The following TBC1D19 variants were observed in gnomAD, a reference collection of about 807,000 sequenced individuals.
The protein encoded by TBC1D19 is TBC1 domain family member 19.
Under a neutral mutation model 89.0 loss-of-function variants are expected in TBC1D19, and 60 were observed. That is an observed-to-expected ratio of 0.67 (90% CI 0.55 to 0.84). The LOEUF is 0.84. Among genes scored for constraint, TBC1D19 ranks in the 40% least tolerant of loss-of-function variants. TBC1D19 has a pLI of 0.00. For missense variants in TBC1D19, 500 were observed against 610.8 expected (o/e 0.82, Z 1.91); for synonymous variants, 189 against 199.7 (o/e 0.95, Z 0.45).
intron 13 of TBC1D19, among the ~76,000 whole-genome samples, chr4:26,691,374 G>A (rs569720585): frequency 2.2e-4 from 34 of 152,300 alleles, no homozygotes; most frequent in Middle Eastern, 6.8e-3. Context: ...AATTTTGAAA[G>A]TTCTGTGGGT....
intron 9 of TBC1D19, among the ~76,000 whole-genome samples, chr4:26,666,794 C>A (rs1711851362): frequency 1.3e-5 from 2 of 151,928 alleles, no homozygotes; most frequent in Admixed American, 6.6e-5. Flanking sequence ...GTGTTTTAAA[C>A]CTTAATAATC....
In TBC1D19 at chr4:26,659,023, T is replaced by C. The variant is rs974841598; in HGVS notation, c.481-574T>C. On this transcript the variant is annotated intron_variant, in intron 7 of 20. Coordinates refer to ENST00000264866, the MANE Select transcript of TBC1D19 (RefSeq NM_018317.4). The stretch of plus-strand genomic sequence containing the variant: ...GTTTTCTAAATATACAATCATGTAA[T>C]CTGCAAACAGACAATTTGACTTCCA... Among the ~76,000 whole-genome samples, 7 of 152,342 alleles carry C rather than the reference T, an allele frequency of 4.6e-5. No individual in the cohort carries two copies. In the East Asian group the frequency reaches 1.3e-3, roughly 29 times the overall value.
chr4:26,795,355 T>C, the TBC1D19 span, among the ~76,000 whole-genome samples: 1 of 152,218 alleles, frequency 6.6e-6, no homozygotes, highest in African/African-American at 2.4e-5. Flanking sequence ...TGGTAGCTAC[T>C]ATTACAATTC....
chr4:26,657,613 G>C (rs1744947050), intron 7 of TBC1D19, among the ~76,000 whole-genome samples: 1 of 152,158 alleles, frequency 6.6e-6, no homozygotes, highest in Admixed American at 6.5e-5. Context: ...TAATGGGATG[G>C]CTGGGTCAAA....
chr4:26,634,702 G>T (rs965097627), intron 4 of TBC1D19, among the ~76,000 whole-genome samples: 3 of 151,866 alleles, frequency 2.0e-5, no homozygotes, highest in African/African-American at 7.3e-5. Flanking sequence ...TATACTTTAC[G>T]GTAGGAAATG....
chr4:26,627,982 A>G (rs1270802042), intron 4 of TBC1D19, among the ~76,000 whole-genome samples: 2 of 152,158 alleles, frequency 1.3e-5, no homozygotes, highest in African/African-American at 4.8e-5. Context: ...CCTGAATGGT[A>G]ATGCCTAGGT....
chr4:26,640,188 G>T lies in TBC1D19; in HGVS notation c.480+1G>T. The T allele has an allele frequency of 6.2e-7, 1 of 1,604,852 alleles. No homozygotes were observed. Among genetic ancestry groups the T allele is most frequent in the Non-Finnish European group, 8.5e-7 (1 of 1,172,524 alleles). On this transcript the variant is annotated splice_donor_variant, in intron 7 of 20. Coordinates refer to ENST00000264866, the MANE Select transcript of TBC1D19 (RefSeq NM_018317.4). LOFTEE classifies it high-confidence loss of function. Reference sequence around the variant, plus strand: ...TTATGCACCTAAGGATTTTCTTGAGGTAGGTTCTATTGGATAAATACACAT... The same window carrying T: ...TTATGCACCTAAGGATTTTCTTGAGTTAGGTTCTATTGGATAAATACACAT...
chr4:26,827,506 A>G, the TBC1D19 span, among the ~76,000 whole-genome samples: 3 of 152,172 alleles, frequency 2.0e-5, no homozygotes, highest in Non-Finnish European at 4.4e-5. Context: ...CAGGAGGCTG[A>G]GGCATGAGAA....
intron 17 of TBC1D19, among the ~76,000 whole-genome samples, chr4:26,742,155 A>G (rs1361291561): frequency 6.6e-6 from 1 of 152,176 alleles, no homozygotes; most frequent in Middle Eastern, 3.2e-3. Context: ...ATAAAAACTA[A>G]TTTTGCTGGG....
At chr4:26,654,089 C>T (rs922470577) in intron 7 of TBC1D19, among the ~76,000 whole-genome samples, 16 of 152,172 alleles carry the variant, frequency 1.1e-4, no homozygotes, top group African/African-American at 3.4e-4. Context: ...AATCTCTCAG[C>T]ATTTGCTTGT....
chr4:26,741,437 T>C (rs1219254219), intron 17 of TBC1D19, among the ~76,000 whole-genome samples: 1 of 151,324 alleles, frequency 6.6e-6, no homozygotes, highest in African/African-American at 2.4e-5. Context: ...ATTTCTATGC[T>C]CATATTCTAT....
At chr4:26,699,974 G>T (rs1423511744) in intron 13 of TBC1D19, among the ~76,000 whole-genome samples, 3 of 151,738 alleles carry the variant, frequency 2.0e-5, no homozygotes, top group Non-Finnish European at 4.4e-5. Flanking sequence ...TAACAAGCCT[G>T]CATGTTGTGC....
the TBC1D19 span, among the ~76,000 whole-genome samples, chr4:26,782,044 G>T: frequency 1.3e-5 from 2 of 152,164 alleles, no homozygotes; most frequent in African/African-American, 4.8e-5. Flanking sequence ...GAATGTTTTG[G>T]TGTATTTCTT....
At chr4:26,680,600 T>C (rs1713249183) in intron 11 of TBC1D19, among the ~76,000 whole-genome samples, 1 of 152,178 alleles carries the variant, frequency 6.6e-6, no homozygotes, top group Non-Finnish European at 1.5e-5. Flanking sequence ...TAATGCTGAG[T>C]TAATCACTTG....
rs533705021 is a variant in TBC1D19, at chr4:26,635,628, A to G, written c.295-1583A>G. Among the ~76,000 whole-genome samples the G allele has an allele frequency of 3.9e-5, 6 of 152,236 alleles. No homozygotes were observed. In the East Asian group the frequency reaches 1.2e-3, roughly 29 times the overall value. On this transcript the variant is annotated intron_variant, in intron 4 of 20. Coordinates refer to ENST00000264866, the MANE Select transcript of TBC1D19 (RefSeq NM_018317.4). ...GTTCAGTCACTGCTTGGGCCATTGC[A>G]TTAAAATTTTTTAAAATACTTGCAA...
chr4:26,579,641 C>T (rs553592815), upstream of TBC1D19, among the ~76,000 whole-genome samples: 77 of 152,130 alleles, frequency 5.1e-4, no homozygotes, highest in Admixed American at 1.5e-3. Flanking sequence ...GGTATTTGTC[C>T]TAATGCTCTC....
intron 13 of TBC1D19, among the ~76,000 whole-genome samples, chr4:26,698,870 G>A (rs543897342): frequency 1.3e-5 from 2 of 152,240 alleles, no homozygotes; most frequent in South Asian, 2.1e-4. Context: ...ATTCAACATG[G>A]ATTAAAGACT....
intron 13 of TBC1D19, among the ~76,000 whole-genome samples, chr4:26,717,022 G>A (rs1399141423): frequency 1.3e-5 from 2 of 152,066 alleles, no homozygotes; most frequent in Admixed American, 6.6e-5. Context: ...AAACAAAGCA[G>A]TGGCAGTGGT....
chr4:26,653,387 C>A (rs1463805309), intron 7 of TBC1D19, among the ~76,000 whole-genome samples: 1 of 152,120 alleles, frequency 6.6e-6, no homozygotes, highest in African/African-American at 2.4e-5. Flanking sequence ...ATTAGGTCCG[C>A]TTGGTGCAGA....
Sources: gnomAD v4.1 joint callset for allele counts (sites outside exome capture counted in the v4.1 genomes callset) on GRCh38, gnomAD v4.1.1 for gene constraint, MANE v1.5 for transcripts, NCBI Gene and HGNC (gene_info 2026-07-23, HGNC 2026-07-21) for gene names.